ST3GAL4: variants seen among roughly 807,000 people sequenced by gnomAD.
ST3GAL4 encodes the protein ST3 beta-galactoside alpha-2,3-sialyltransferase 4.
In ST3GAL4, 24 loss-of-function variants were observed where a neutral mutation model predicts 42.6. The observed-to-expected ratio is 0.56, with a 90% CI of 0.41 to 0.79. The LOEUF is 0.79. Ranked by LOEUF, ST3GAL4 falls within the 30% of genes least tolerant of loss-of-function variation. The probability of loss-of-function intolerance (pLI) is 0.00; values close to 1 mark genes in which losing one functional copy is unlikely to be tolerated. For synonymous variants in ST3GAL4, 135 were observed against 163.2 expected (o/e 0.83, Z 1.32); for missense variants, 311 against 430.8 (o/e 0.72, Z 2.46).
rs601698 is a variant in ST3GAL4 at position 126,364,557 on chromosome 11, G to A, written c.-61+8715G>A. 6.8e-4 allele frequency among the ~76,000 whole-genome samples: 98 copies of A among 143,316 alleles called. 3 individuals carry two copies. Among genetic ancestry groups the A allele is most frequent in the Non-Finnish European group, 9.4e-4 (62 of 65,752 alleles). 94.0% of individuals were successfully genotyped at this position (143,316 alleles called of 152,430 possible). ...TGTCTGGGGTGAGGTGAGGTCAGGT[G>A]TTGGGCTGGATGTGGGAGGCTGTTC... On this transcript the variant is annotated intron_variant, in intron 1 of 10. Transcript: ENST00000444328.
intron 1 of ST3GAL4, among the ~76,000 whole-genome samples, chr11:126,401,026 T>G (rs1164248879): frequency 1.3e-5 from 2 of 151,636 alleles, no homozygotes; most frequent in Non-Finnish European, 2.9e-5. Context: ...GTTGATAATA[T>G]GGGGGTTGGG....
Position 126,409,614 on chromosome 11 carries a change from G to A in ST3GAL4, c.771+203G>A, listed in dbSNP as rs964684199. On this transcript the variant is annotated intron_variant, in intron 9 of 10. Transcript: ENST00000444328. The surrounding 1 kb of genome is among the most constrained non-coding windows in gnomAD (Gnocchi z 4.9). ...AGAACCAAGGGGCATTTACTAAGTGGGGAGGGATGGGGATGGCCTGGATCA... is the reference window on the plus strand; with the variant it reads ...AGAACCAAGGGGCATTTACTAAGTGAGGAGGGATGGGGATGGCCTGGATCA... Among the ~76,000 whole-genome samples the A allele has an allele frequency of 6.6e-6, 1 of 152,182 alleles. No homozygotes were observed. The highest frequency in any genetic ancestry group is 1.5e-5 in the Non-Finnish European group (1 of 68,036).
Position 126,413,527 on chromosome 11 carries a change from C to T in ST3GAL4, c.794C>T (p.Ala265Val). 1 of 1,614,194 alleles carries T rather than the reference C, an allele frequency of 6.2e-7. No individual in the cohort carries two copies. The highest frequency in any genetic ancestry group is 8.5e-7 in the Non-Finnish European group (1 of 1,180,038). The stretch of plus-strand genomic sequence containing the variant: ...CAGAAGCCCACCACGGGCCTGTTGG[C>T]CATCACGCTGGCCCTCCACCTCTGT... ...IKQKPTTGLL[A>V]ITLALHLCDL... Residue 265 changes from alanine to valine, a missense_variant, in exon 10 of 11, where the codon GCC becomes GTC. By Grantham distance (64) the Ala-to-Val change is moderately conservative. Coordinates refer to ENST00000444328, the MANE Select transcript of ST3GAL4 (RefSeq NM_001254757.2).
chr11:126,380,275 AG>A (rs1167741402), intron 1 of ST3GAL4, among the ~76,000 whole-genome samples: 3 of 151,496 alleles, frequency 2.0e-5, no homozygotes, highest in Non-Finnish European at 4.4e-5. Context: ...AAAAAAAAAA[AG>A]ATCCAGTTTC....
rs2135435098 is a variant in ST3GAL4 at position 126,379,339 on chromosome 11, A to G, written c.-61+23497A>G. Among the ~76,000 whole-genome samples, 1 of 152,324 alleles carries G rather than the reference A, an allele frequency of 6.6e-6. No homozygotes were observed. The highest frequency in any genetic ancestry group is 1.9e-4 in the East Asian group (1 of 5,190). ...GTGTGAACCTTTTGTGCTAAAACAA[A>G]ACAAAAACAAGTCTGAGTCAATAGA... On this transcript the variant is annotated intron_variant, in intron 1 of 10. Transcript: ENST00000444328. This position sits in a 1 kb window ranked among gnomAD's most constrained non-coding sequence, Gnocchi z 4.2.
intron 1 of ST3GAL4, among the ~76,000 whole-genome samples, chr11:126,372,126 C>T (rs930282673): frequency 6.6e-6 from 1 of 152,204 alleles, no homozygotes; most frequent in African/African-American, 2.4e-5. Flanking sequence ...GCATTAAGTA[C>T]ATTTAGAATG....
In ST3GAL4 at chr11:126,366,994, C is replaced by T. The variant is rs1175645138; in HGVS notation, c.-61+11152C>T. Reference sequence around the variant, plus strand: ...GGTACTGGGTTTGGATAGAGTGTGTCATCTGCAGAGGGAGCACTGTTCTGG... The same window carrying T: ...GGTACTGGGTTTGGATAGAGTGTGTTATCTGCAGAGGGAGCACTGTTCTGG... On this transcript the variant is annotated intron_variant, in intron 1 of 10. Transcript: ENST00000444328. This position sits in a 1 kb window ranked among gnomAD's most constrained non-coding sequence, Gnocchi z 4.2. Among the ~76,000 whole-genome samples, 1 of 152,020 alleles carries T rather than the reference C, an allele frequency of 6.6e-6. No individual in the cohort carries two copies. Among genetic ancestry groups the T allele is most frequent in the Admixed American group, 6.6e-5 (1 of 15,262 alleles).
chr11:126,401,546 A>G lies in ST3GAL4; in HGVS notation c.-60-4550A>G, dbSNP rs574717882. On this transcript the variant is annotated intron_variant, in intron 1 of 10. Coordinates refer to ENST00000444328, the MANE Select transcript of ST3GAL4 (RefSeq NM_001254757.2). ...ACTCCAGCCTGGGTGACAGAGGGAG[A>G]CTCCCTCTCAGAAAAAAAAAAAGAA... Among the ~76,000 whole-genome samples, 15 of 144,616 alleles carry G rather than the reference A, an allele frequency of 1.0e-4. No homozygotes were observed. The South Asian group carries it at 2.9e-3, about 28-fold the overall frequency. The allele number at this position is 144,616 out of a possible 152,430, so 94.9% of individuals were successfully genotyped here.
chr11:126,404,680 C>T (rs887647567), intron 1 of ST3GAL4, among the ~76,000 whole-genome samples: 3 of 152,196 alleles, frequency 2.0e-5, no homozygotes, highest in Admixed American at 6.5e-5. Context: ...ACAAACTGAT[C>T]ACTTTTCTTT....
chr11:126,408,580 C>G, intron 8 of ST3GAL4, 84 bp downstream of exon 8: 1 of 1,494,772 alleles, frequency 6.7e-7, no homozygotes. Flanking sequence ...TGATGTCCGC[C>G]TGGCAGTCCT....
chr11:126,369,210 C>G (rs1052515746), intron 1 of ST3GAL4, among the ~76,000 whole-genome samples: 1 of 152,074 alleles, frequency 6.6e-6, no homozygotes, highest in Non-Finnish European at 1.5e-5. Flanking sequence ...CTCAAGCAAC[C>G]TCCCTTCAAG....
intron 1 of ST3GAL4, among the ~76,000 whole-genome samples, chr11:126,381,485 C>T (rs1952999846): frequency 6.7e-6 from 1 of 150,068 alleles, no homozygotes; most frequent in African/African-American, 2.5e-5. Flanking sequence ...CAGGAGACAC[C>T]AGGATGGGAT....
At position 126,406,997 on chromosome 11, in the gene ST3GAL4, G is replaced by T; in HGVS notation, c.156G>T (p.Glu52Asp). The T allele has an allele frequency of 1.2e-6, 2 of 1,614,080 alleles. No individual in the cohort carries two copies. The highest frequency in any genetic ancestry group is 1.1e-5 in the South Asian group (1 of 91,070). Residue 52 changes from glutamate (E) to aspartate (D), a missense_variant, in exon 4 of 11, where the codon GAG becomes GAT. Coordinates refer to ENST00000444328, the MANE Select transcript of ST3GAL4 (RefSeq NM_001254757.2). The surrounding 1 kb of genome is among the most constrained non-coding windows in gnomAD (Gnocchi z 5.4). ...AGCCGTGCCTCCAGGGTGAGGCAGA[G>T]AGCAAGGCCTCTAAGCTCTTTGGCA... ...KKEPCLQGEA[E>D]SKASKLFGNY...
rs142023863 is a variant in ST3GAL4 at position 126,361,871 on chromosome 11, G to A, written c.-61+6029G>A. Among the ~76,000 whole-genome samples the A allele has an allele frequency of 9.1e-3, 1,379 of 151,594 alleles. 25 individuals carry two copies. The highest frequency in any genetic ancestry group is 0.029 in the African/African-American group (1,193 of 41,348). On this transcript the variant is annotated intron_variant, in intron 1 of 10. Coordinates refer to ENST00000444328, the MANE Select transcript of ST3GAL4 (RefSeq NM_001254757.2). ...CTGTAGCCTCCATTTCCTTCTCCGA[G>A]AAATTAACACTTCTTTTTTTTTTTT...
chr11:126,374,077 A>C (rs1952747873), intron 1 of ST3GAL4, among the ~76,000 whole-genome samples: 2 of 152,026 alleles, frequency 1.3e-5, no homozygotes, highest in Admixed American at 1.3e-4. Context: ...AAACAAGAGA[A>C]ACATCTTTGC....
At chr11:126,356,609 C>T (rs962580795) in intron 1 of ST3GAL4, among the ~76,000 whole-genome samples, 1 of 152,250 alleles carries the variant, frequency 6.6e-6, no homozygotes, top group Non-Finnish European at 1.5e-5. Context: ...CTCTGCTCCC[C>T]AGCCTGGGTC....
rs1591436540 is a variant in ST3GAL4 at position 126,376,019 on chromosome 11, T to C, written c.-61+20177T>C. ...TTGTTTGTCAAATGTGTATAAAACA[T>C]CTGCCACATTCTTGGCAGTTTAATA... On this transcript the variant is annotated intron_variant, in intron 1 of 10. Coordinates refer to ENST00000444328, the MANE Select transcript of ST3GAL4 (RefSeq NM_001254757.2). This position sits in a 1 kb window ranked among gnomAD's most constrained non-coding sequence, Gnocchi z 5.1. Among the ~76,000 whole-genome samples the C allele has an allele frequency of 6.6e-6, 1 of 152,304 alleles. No homozygotes were observed. The highest frequency in any genetic ancestry group is 6.5e-5 in the Admixed American group (1 of 15,284).
In ST3GAL4 at chr11:126,366,670, C is replaced by T. The variant is rs917938043; in HGVS notation, c.-61+10828C>T. ...TCCTAATGAGACTTCAGGTGTGGAC[C>T]CTCGAACCCTCAGCTGCACAGGTCT... On this transcript the variant is annotated intron_variant, in intron 1 of 10. Coordinates refer to ENST00000444328, the MANE Select transcript of ST3GAL4 (RefSeq NM_001254757.2). This position sits in a 1 kb window ranked among gnomAD's most constrained non-coding sequence, Gnocchi z 4.2. 2.6e-5 allele frequency among the ~76,000 whole-genome samples: 4 copies of T among 152,108 alleles called. No individual in the cohort carries two copies. Among genetic ancestry groups the T allele is most frequent in the African/African-American group, 9.7e-5 (4 of 41,390 alleles).
At position 126,363,223 on chromosome 11, in the gene ST3GAL4, CTCT is replaced by C. The variant is rs778937498; in HGVS notation, c.-61+7390_-61+7392del. 6.6e-5 allele frequency among the ~76,000 whole-genome samples: 10 copies of C among 152,214 alleles called. No homozygotes were observed. Among genetic ancestry groups the C allele is most frequent in the Non-Finnish European group, 1.2e-4 (8 of 68,034 alleles). ...CCTTCCTGTCCCTGTTTGAGCCGTG[CTCT>C]TCTTCTTCAATCCCTTTCTGTCTGC... is the stretch of plus-strand genomic sequence containing the variant. On this transcript the variant is annotated intron_variant, in intron 1 of 10. Transcript: ENST00000444328. This position sits in a 1 kb window ranked among gnomAD's most constrained non-coding sequence, Gnocchi z 4.6.
Sources: gnomAD v4.1 joint callset for allele counts (sites outside exome capture counted in the v4.1 genomes callset) on GRCh38, gnomAD v4.1.1 for gene constraint, Gnocchi (gnomAD v3.1) non-coding constraint, MANE v1.5 for transcripts, NCBI Gene and HGNC (gene_info 2026-07-23, HGNC 2026-07-21) for gene names.